Variants in PABPC1 observed in about 807,000 individuals in gnomAD.
PABPC1 encodes the protein poly(A) binding protein cytoplasmic 1, also known as polyadenylate-binding protein 1.
Under a neutral mutation model 74.0 loss-of-function variants are expected in PABPC1, and 4 were observed. The ratio of observed to expected loss-of-function variants is 0.05; its 90% CI spans 0.03 to 0.12. The LOEUF (loss-of-function observed/expected upper bound fraction) is 0.12. Ranked by LOEUF, PABPC1 falls within the 10% of genes least tolerant of loss-of-function variation. PABPC1 has a pLI of 1.00. For synonymous variants in PABPC1, 227 were observed against 264.1 expected, an observed-to-expected ratio of 0.86 and a Z score of 1.36; for missense variants, 271 against 821.1, an observed-to-expected ratio of 0.33 and a Z score of 8.19.
At chr8:100,717,087 T>A (rs746983753) in intron 3 of PABPC1, among the ~76,000 whole-genome samples, 2 of 152,186 alleles carry the variant, frequency 1.3e-5, no homozygotes, top group African/African-American at 4.8e-5. Flanking sequence ...CTCGGTTCAC[T>A]GCAACCTCCG....
Position 100,721,264 on chromosome 8 carries a change from C to T in PABPC1, c.193+127G>A, listed in dbSNP as rs1049345313. ...TCCAGGGACCCCGGCGCCTTCCCGC[C>T]GGCCGTCGCGGGGTGACATGCCCTC... is the stretch of plus-strand genomic sequence containing the variant. On this transcript the variant is annotated intron_variant, in intron 1 of 14. Coordinates refer to ENST00000318607, the MANE Select transcript of PABPC1 (RefSeq NM_002568.4). The surrounding 1 kb of genome is among the most constrained non-coding windows in gnomAD (Gnocchi z 7.4). 8.0e-5 allele frequency: 27 copies of T among 338,208 alleles called. No homozygotes were observed. The highest frequency in any genetic ancestry group is 6.2e-4 in the East Asian group (4 of 6,466). The allele number at this position is 338,208 out of a possible 1,614,324, so 21.0% of individuals were successfully genotyped here. A position where few individuals can be genotyped will look rare whatever the true frequency, so the allele number is the denominator to read the frequency against.
intron 6 of PABPC1, 36 bp from the exon 7 acceptor site, chr8:100,712,493 A>G (rs551608609): frequency 2.0e-6 from 3 of 1,507,456 alleles, no homozygotes; most frequent in East Asian, 4.5e-5. Context: ...GAAAAAGAAA[A>G]CCATGGTGGT....
chr8:100,706,974 T>C lies in PABPC1; in HGVS notation c.1360A>G (p.Ile454Val), dbSNP rs764586960. ...GGTGGTCTAGGAGCAGCTGGGCGGATAGCACCGGGCATATTTTGGAATGCT... is the reference window on the plus strand; with the variant it reads ...GGTGGTCTAGGAGCAGCTGGGCGGACAGCACCGGGCATATTTTGGAATGCT... Reference protein sequence around the residue: ...PHPFQNMPGAIRPAAPRPPFS... With the variant: ...PHPFQNMPGAVRPAAPRPPFS... Residue 454 changes from isoleucine (I) to valine (V), a missense_variant, in exon 10 of 15, where the codon ATC (isoleucine) becomes GTC (valine). Physicochemically the swap from Ile to Val is conservative, Grantham distance 29. Around this residue, in one of 7 missense-constraint regions of PABPC1, gnomAD observed 103 missense variants for 245.3 expected, o/e 0.42. Coordinates refer to ENST00000318607, the MANE Select transcript of PABPC1 (RefSeq NM_002568.4). The C allele has an allele frequency of 3.1e-6, 5 of 1,613,982 alleles. No individual in the cohort carries two copies. Among genetic ancestry groups the C allele is most frequent in the Non-Finnish European group, 4.2e-6 (5 of 1,179,870 alleles).
Position 100,709,231 on chromosome 8 carries a change from GA to G in PABPC1, c.1246-9del. 1 of 1,579,292 alleles carries G rather than the reference GA, an allele frequency of 6.3e-7. No homozygotes were observed. The highest frequency in any genetic ancestry group is 2.3e-5 in the East Asian group (1 of 44,136). ...TGCAGCACGGTTCTGAGTCTGCAGG[GA>G]AAAAAAGCACATGAGTTTATCAGTT... On this transcript the variant is annotated splice_polypyrimidine_tract_variant and intron_variant, in intron 8 of 14. Transcript: ENST00000318607.
intron 13 of PABPC1, among the ~76,000 whole-genome samples, chr8:100,704,618 C>G (rs560464680): frequency 6.6e-6 from 1 of 152,280 alleles, no homozygotes; most frequent in East Asian, 1.9e-4. Context: ...TCCCCACACT[C>G]GAAAAATATT....
intron 4 of PABPC1, among the ~76,000 whole-genome samples, chr8:100,713,801 T>C (rs907925438): frequency 6.6e-6 from 1 of 152,138 alleles, no homozygotes; most frequent in Non-Finnish European, 1.5e-5. Context: ...TTGATTTTCT[T>C]TGTATCAATT....
intron 7 of PABPC1, among the ~76,000 whole-genome samples, chr8:100,711,144 G>C (rs1439342272): frequency 6.6e-6 from 1 of 152,184 alleles, no homozygotes; most frequent in Non-Finnish European, 1.5e-5. Flanking sequence ...GCTGGGCGTA[G>C]TGGCACATGC....
In PABPC1 at chr8:100,721,395, C is replaced by T; in HGVS notation, c.189G>A (p.Ala63=). 3 of 1,531,448 alleles carry T rather than the reference C, an allele frequency of 2.0e-6. No individual in the cohort carries two copies. Among genetic ancestry groups the T allele is most frequent in the South Asian group, 1.2e-5 (1 of 81,396 alleles). The allele number at this position is 1,531,448 out of a possible 1,614,324, so 94.9% of individuals were successfully genotyped here. ...ACCGCGGAGCCCGGCGCTCACCGTC[C>T]GCCGGCTGCTGGAAGTTCACATACG... ...GYAYVNFQQP[A]DAERALDTMN... The change falls in exon 1 of 15, where the codon GCG becomes GCA. Residue 63 remains alanine, a synonymous_variant. Coordinates refer to ENST00000318607, the MANE Select transcript of PABPC1 (RefSeq NM_002568.4). The surrounding 1 kb of genome is among the most constrained non-coding windows in gnomAD (Gnocchi z 7.4).
chr8:100,721,649 G>T lies in PABPC1; in HGVS notation c.-66C>A. 3.0e-6 allele frequency: 4 copies of T among 1,327,064 alleles called. No homozygotes were observed. The highest frequency in any genetic ancestry group is 2.8e-5 in the Admixed American group (1 of 35,530). The allele number at this position is 1,327,064 out of a possible 1,614,324, so 82.2% of individuals were successfully genotyped here. A position where few individuals can be genotyped will look rare whatever the true frequency, so the allele number is the denominator to read the frequency against. On this transcript the variant is annotated 5_prime_UTR_variant, in exon 1 of 15. Transcript: ENST00000318607. This position sits in a 1 kb window ranked among gnomAD's most constrained non-coding sequence, Gnocchi z 7.4. ...CCGTGAGAGGAGGAGAGCGAGTGCC[G>T]GGGCTGGGGGCCGGAGCCGGGGGGA...
chr8:100,712,130 G>A (rs948378539), intron 7 of PABPC1, among the ~76,000 whole-genome samples: 4 of 152,176 alleles, frequency 2.6e-5, no homozygotes, highest in African/African-American at 9.7e-5. Context: ...CTAGTTGTTG[G>A]AATAGTGCAT....
At chr8:100,706,420 A>G (rs1287779949) in intron 11 of PABPC1, among the ~76,000 whole-genome samples, 1 of 151,850 alleles carries the variant, frequency 6.6e-6, no homozygotes, top group Non-Finnish European at 1.5e-5. Flanking sequence ...CAGCCTTCCT[A>G]GCAGCTAGGA....
chr8:100,719,567 G>T (rs1296175543), intron 1 of PABPC1, among the ~76,000 whole-genome samples: 1 of 152,100 alleles, frequency 6.6e-6, no homozygotes. Flanking sequence ...TGTACATACA[G>T]AAACTAGACA....
At chr8:100,712,176 T>A (rs186558582) in intron 7 of PABPC1, among the ~76,000 whole-genome samples, 186 bp downstream of exon 7, 73 of 152,232 alleles carry the variant, frequency 4.8e-4, no homozygotes, top group Admixed American at 3.5e-3. Flanking sequence ...TAGCAAAGAG[T>A]TCAGTGCTTG....
At chr8:100,713,787 C>G (rs1261470711) in intron 4 of PABPC1, among the ~76,000 whole-genome samples, 2 of 152,114 alleles carry the variant, frequency 1.3e-5, no homozygotes, top group Non-Finnish European at 2.9e-5. Context: ...GTGCTAAGAC[C>G]AATTTGATTT....
chr8:100,704,435 A>C, intron 13 of PABPC1, 45 bp from the exon 14 acceptor site: 1 of 1,464,062 alleles, frequency 6.8e-7, no homozygotes, highest in Non-Finnish European at 9.6e-7. Flanking sequence ...AAAGGAATGG[A>C]AATAAAGAGT....
rs79940439 is a variant in PABPC1, at chr8:100,706,910, C to T, written c.1424G>A (p.Arg475Gln). 0.12 allele frequency: 134,224 copies of T among 1,100,320 alleles called. No individual in the cohort carries two copies. The highest frequency in any genetic ancestry group is 0.15 in the South Asian group (10,168 of 66,640). The allele number at this position is 1,100,320 out of a possible 1,614,324, so 68.2% of individuals were successfully genotyped here. A position where few individuals can be genotyped will look rare whatever the true frequency, so the allele number is the denominator to read the frequency against. Reference sequence around the variant, plus strand: ...ACCAACACGCTGTGTTGACATGACTCGTGGAACCTGTGAAGAAGCTGGTCT... The same window carrying T: ...ACCAACACGCTGTGTTGACATGACTTGTGGAACCTGTGAAGAAGCTGGTCT... ...TMRPASSQVPRVMSTQRVANT... is the reference protein window; with the variant it reads ...TMRPASSQVPQVMSTQRVANT... Residue 475 changes from arginine to glutamine, a missense_variant, in exon 10 of 15, where the codon CGA (arginine) becomes CAA (glutamine). Physicochemically the swap from Arg to Gln is conservative, Grantham distance 43. Around this residue, in one of 7 missense-constraint regions of PABPC1, gnomAD observed 103 missense variants for 245.3 expected, o/e 0.42. Transcript: ENST00000318607.
chr8:100,714,317 G>A (rs1192308196), intron 4 of PABPC1, among the ~76,000 whole-genome samples: 1 of 152,174 alleles, frequency 6.6e-6, no homozygotes, highest in African/African-American at 2.4e-5. Flanking sequence ...GCTAAATTTG[G>A]GGGTTGAGAT....
At chr8:100,716,909 C>CA (rs1810685706) in intron 3 of PABPC1, among the ~76,000 whole-genome samples, 1 of 152,226 alleles carries the variant, frequency 6.6e-6, no homozygotes, top group Non-Finnish European at 1.5e-5. Context: ...AGAGTTATAT[C>CA]ACTTTTACTC....
chr8:100,714,083 C>A (rs759119319), intron 4 of PABPC1, among the ~76,000 whole-genome samples: 2 of 152,158 alleles, frequency 1.3e-5, no homozygotes, highest in Admixed American at 1.3e-4. Context: ...TTAAAAATCA[C>A]ATTTGATTAC....
Sources: allele counts gnomAD v4.1 joint callset (sites outside exome capture counted in the v4.1 genomes callset), GRCh38; gene constraint gnomAD v4.1.1; regional missense constraint gnomAD v4.1.1; non-coding constraint Gnocchi (gnomAD v3.1); transcripts MANE v1.5; gene names NCBI Gene and HGNC (gene_info 2026-07-23, HGNC 2026-07-21).